Variants in DAPK1 observed in about 807,000 individuals in gnomAD.
DAPK1 encodes death-associated protein kinase 1.
A neutral mutation model predicts 144.9 loss-of-function variants in DAPK1; 56 were observed. The ratio of observed to expected loss-of-function variants is 0.39; its 90% CI spans 0.31 to 0.48. The LOEUF (loss-of-function observed/expected upper bound fraction) is 0.48, where lower values mean the gene tolerates loss of function less well. Among genes scored for constraint, DAPK1 ranks in the 20% least tolerant of loss-of-function variants. DAPK1 has a pLI of 0.95. For missense variants in DAPK1, 1,454 were observed against 1,875.4 expected (o/e 0.78, Z 4.15); for synonymous variants, 690 against 749.0 (o/e 0.92, Z 1.29).
intron 10 of DAPK1, 70 bp downstream of exon 10, chr9:87,642,128 C>T: frequency 8.1e-7 from 1 of 1,231,816 alleles, no homozygotes; most frequent in South Asian, 1.3e-5. Flanking sequence ...GGTCAGGGTG[C>T]ATCTCCTCTG....
chr9:87,690,737 T>A (rs1825027546), intron 21 of DAPK1, among the ~76,000 whole-genome samples: 1 of 152,128 alleles, frequency 6.6e-6, no homozygotes, highest in Non-Finnish European at 1.5e-5. Flanking sequence ...CTATACCTAG[T>A]TTGTTGACAG....
At chr9:87,562,734 T>A (rs373599223) in intron 2 of DAPK1, among the ~76,000 whole-genome samples, 53 of 152,312 alleles carry the variant, frequency 3.5e-4, no homozygotes, top group African/African-American at 1.1e-3. Context: ...AAGCACACTG[T>A]CCAGAAGGAA....
intron 2 of DAPK1, among the ~76,000 whole-genome samples, chr9:87,570,289 A>G (rs1374572131): frequency 6.6e-6 from 1 of 152,190 alleles, no homozygotes; most frequent in Non-Finnish European, 1.5e-5. Context: ...TCTAATAGAA[A>G]CTTCACTTCT....
intron 17 of DAPK1, among the ~76,000 whole-genome samples, chr9:87,655,962 G>A (rs1476666658): frequency 2.0e-5 from 3 of 152,230 alleles, no homozygotes; most frequent in Non-Finnish European, 4.4e-5. Context: ...AGATGCCAAG[G>A]TGAATGGCTT....
At chr9:87,591,067 A>G (rs1014744840) in intron 2 of DAPK1, among the ~76,000 whole-genome samples, 2 of 152,220 alleles carry the variant, frequency 1.3e-5, no homozygotes, top group African/African-American at 2.4e-5. Context: ...TTATGCTCCA[A>G]TTAGGGAATC....
chr9:87,692,453 A>G (rs1201155102), intron 21 of DAPK1, among the ~76,000 whole-genome samples: 2 of 152,144 alleles, frequency 1.3e-5, no homozygotes, highest in African/African-American at 4.8e-5. Flanking sequence ...TTTAGGTGGA[A>G]AAGTTAATTC....
chr9:87,546,694 C>T (rs1037645407), intron 2 of DAPK1, among the ~76,000 whole-genome samples: 7 of 152,280 alleles, frequency 4.6e-5, no homozygotes, highest in Non-Finnish European at 1.0e-4. Flanking sequence ...CTCTGTCTTT[C>T]CCCATCCTCT....
At chr9:87,539,731 T>C (rs1482948237) in intron 2 of DAPK1, among the ~76,000 whole-genome samples, 3 of 152,106 alleles carry the variant, frequency 2.0e-5, no homozygotes, top group Non-Finnish European at 2.9e-5. Flanking sequence ...TTTCACACCT[T>C]TCTGAGGAGA....
At chr9:87,628,724 T>TA (rs1829565892) in intron 3 of DAPK1, among the ~76,000 whole-genome samples, 2 of 152,310 alleles carry the variant, frequency 1.3e-5, no homozygotes, top group South Asian at 4.1e-4. Flanking sequence ...CCAGGATAGT[T>TA]ACGGTAAAGG....
intron 2 of DAPK1, among the ~76,000 whole-genome samples, chr9:87,543,425 G>A (rs1483474826): frequency 1.3e-5 from 2 of 152,168 alleles, no homozygotes; most frequent in Non-Finnish European, 2.9e-5. Flanking sequence ...GAATCATTTT[G>A]AGTGCAGTTT....
At chr9:87,642,563 C>T (rs543363194) in intron 10 of DAPK1, among the ~76,000 whole-genome samples, 2 of 152,200 alleles carry the variant, frequency 1.3e-5, no homozygotes, top group East Asian at 1.9e-4. Flanking sequence ...TAGGACATTG[C>T]TCTGAAGGCA....
chr9:87,587,380 T>G (rs1310700777), intron 2 of DAPK1, among the ~76,000 whole-genome samples: 1 of 152,228 alleles, frequency 6.6e-6, no homozygotes, highest in Non-Finnish European at 1.5e-5. Context: ...ATAGAATAAG[T>G]ACTGGTCTTG....
chr9:87,695,421 C>T (rs539466844), intron 21 of DAPK1, among the ~76,000 whole-genome samples: 4 of 152,324 alleles, frequency 2.6e-5, no homozygotes, highest in African/African-American at 7.2e-5. Flanking sequence ...CAGTGGTGGG[C>T]GGCCACAGTC....
At chr9:87,607,458 C>T (rs1828770514) in intron 3 of DAPK1, among the ~76,000 whole-genome samples, 1 of 152,216 alleles carries the variant, frequency 6.6e-6, no homozygotes, top group African/African-American at 2.4e-5. Context: ...CTATGAGTCA[C>T]TGCCCCTCTT....
At chr9:87,518,943 T>C (rs1442928172) in intron 2 of DAPK1, among the ~76,000 whole-genome samples, 1 of 148,900 alleles carries the variant, frequency 6.7e-6, no homozygotes, top group African/African-American at 2.5e-5. Context: ...GATTTACGTG[T>C]AGTCAAGAAA....
chr9:87,566,587 C>G (rs1827134516), intron 2 of DAPK1, among the ~76,000 whole-genome samples: 1 of 152,128 alleles, frequency 6.6e-6, no homozygotes, highest in Non-Finnish European at 1.5e-5. Context: ...TTTAAAGGAT[C>G]TACCAAAAAT....
intron 3 of DAPK1, among the ~76,000 whole-genome samples, chr9:87,627,564 A>G (rs562812765): frequency 6.6e-6 from 1 of 152,138 alleles, no homozygotes; most frequent in Admixed American, 6.5e-5. Flanking sequence ...GACCCAAAGG[A>G]AAGATGCAGA....
chr9:87,509,720 A>G (rs747950805), intron 2 of DAPK1, among the ~76,000 whole-genome samples: 1 of 152,220 alleles, frequency 6.6e-6, no homozygotes, highest in African/African-American at 2.4e-5. Context: ...GTCTTCCTAG[A>G]TATTGGCTTT....
At chr9:87,574,736 TG>T (rs2118774468) in intron 2 of DAPK1, among the ~76,000 whole-genome samples, 1 of 152,252 alleles carries the variant, frequency 6.6e-6, no homozygotes, top group Non-Finnish European at 1.5e-5. Flanking sequence ...CTGGCCAACA[TG>T]GTGAAACCCC....
Sources: allele counts gnomAD v4.1 joint callset (sites outside exome capture counted in the v4.1 genomes callset), GRCh38; gene constraint gnomAD v4.1.1; transcripts MANE v1.5; gene names NCBI Gene and HGNC (gene_info 2026-07-23, HGNC 2026-07-21).